Variants in EYS observed in about 807,000 individuals in gnomAD.
EYS encodes protein eyes shut homolog.
EYS carries 250 observed loss-of-function variants against 282.1 expected under a neutral mutation model. The observed-to-expected ratio is 0.89, with a 90% confidence interval of 0.80 to 0.98. The LOEUF (loss-of-function observed/expected upper bound fraction) is 0.98. Among genes scored for constraint, EYS ranks in the 50% least tolerant of loss-of-function variants. EYS has a pLI of 0.00. For synonymous variants in EYS, 1,355 were observed against 1,282.9 expected (o/e 1.06, Z -1.20); for missense variants, 4,016 against 3,709.0 (o/e 1.08, Z -2.15).
At chr6:64,964,421 C>G (rs1356689443) in intron 14 of EYS, among the ~76,000 whole-genome samples, 1 of 151,912 alleles carries the variant, frequency 6.6e-6, no homozygotes, top group African/African-American at 2.4e-5. Context: ...GACTTTTTAG[C>G]TTTATGTTAT....
chr6:65,559,250 G>T (rs1714783840), intron 2 of EYS, among the ~76,000 whole-genome samples: 1 of 152,034 alleles, frequency 6.6e-6, no homozygotes, highest in Admixed American at 6.6e-5. Flanking sequence ...GGGCATGGTG[G>T]CTTATCCTGG....
chr6:64,092,591 A>G (rs1294933379), intron 31 of EYS, among the ~76,000 whole-genome samples: 1 of 151,928 alleles, frequency 6.6e-6, no homozygotes, highest in Non-Finnish European at 1.5e-5. Flanking sequence ...CCACTTTTTG[A>G]TGGGGTTCTT....
intron 26 of EYS, among the ~76,000 whole-genome samples, chr6:64,558,550 C>A (rs540029133): frequency 8.6e-5 from 13 of 151,534 alleles, no homozygotes; most frequent in Middle Eastern, 6.8e-3. Context: ...ACAACAACAA[C>A]AAAAAAAACA....
intron 11 of EYS, chr6:65,330,542 A>C: frequency 4.1e-6 from 4 of 984,120 alleles, no homozygotes; most frequent in Non-Finnish European, 4.8e-6. Context: ...GGGCAAAAAA[A>C]TGTGGTAATA....
chr6:64,318,683 C>T (rs983518360), intron 29 of EYS, among the ~76,000 whole-genome samples: 5 of 151,632 alleles, frequency 3.3e-5, no homozygotes, highest in African/African-American at 4.8e-5. Context: ...CTTTTCCAAA[C>T]AAATTTTTAT....
intron 35 of EYS, among the ~76,000 whole-genome samples, chr6:63,930,788 A>G (rs979117865): frequency 6.6e-6 from 1 of 152,124 alleles, no homozygotes; most frequent in Non-Finnish European, 1.5e-5. Context: ...CGGTCACCAC[A>G]GGCATAAATT....
chr6:64,596,502 G>T lies in EYS; in HGVS notation c.3685-3193C>A, dbSNP rs577679322. Among the ~76,000 whole-genome samples the T allele has an allele frequency of 2.0e-5, 3 of 152,152 alleles. No individual in the cohort carries two copies. The South Asian group carries it at 6.2e-4, about 32-fold the overall frequency. ...CAGTAACTTAAAGCAGCATGGCATT[G>T]GTATGAAAACAGACACATAGACCAA... is the stretch of plus-strand genomic sequence containing the variant. On this transcript the variant is annotated intron_variant, in intron 24 of 42. Coordinates refer to ENST00000503581, the MANE Select transcript of EYS (RefSeq NM_001142800.2).
At chr6:65,105,965 A>G (rs1775023553) in intron 12 of EYS, among the ~76,000 whole-genome samples, 1 of 151,996 alleles carries the variant, frequency 6.6e-6, no homozygotes, top group Non-Finnish European at 1.5e-5. Context: ...ATAGATGACC[A>G]TGGAGAAAGA....
At chr6:65,468,409 ATGCACAG>A (rs1226161300) in intron 5 of EYS, among the ~76,000 whole-genome samples, 1 of 152,162 alleles carries the variant, frequency 6.6e-6, no homozygotes, top group Non-Finnish European at 1.5e-5. Flanking sequence ...AAATAATACT[ATGCACAG>A]TGAGGGAGAA....
intron 35 of EYS, among the ~76,000 whole-genome samples, chr6:63,909,697 C>A (rs545891553): frequency 1.3e-5 from 2 of 152,160 alleles, no homozygotes; most frequent in Non-Finnish European, 2.9e-5. Flanking sequence ...ACTAACACGC[C>A]GCTTCCAGTT....
chr6:65,001,041 G>A (rs1561913254), intron 13 of EYS, among the ~76,000 whole-genome samples: 1 of 152,192 alleles, frequency 6.6e-6, no homozygotes, highest in Non-Finnish European at 1.5e-5. Context: ...AGGCCAGGGC[G>A]AGTGCTTTGG....
At chr6:63,991,816 C>T (rs1028016918) in intron 34 of EYS, among the ~76,000 whole-genome samples, 4 of 151,604 alleles carry the variant, frequency 2.6e-5, no homozygotes, top group South Asian at 2.1e-4. Flanking sequence ...TAGCCAAAAC[C>T]AGAGAATTTT....
At chr6:65,508,737 C>A (rs539081404) in intron 2 of EYS, among the ~76,000 whole-genome samples, 1 of 151,422 alleles carries the variant, frequency 6.6e-6, no homozygotes, top group Non-Finnish European at 1.5e-5. Flanking sequence ...AGAAAGTATA[C>A]AGGGGGCTAG....
chr6:65,219,914 T>G (rs1172077403), intron 12 of EYS, among the ~76,000 whole-genome samples: 2 of 152,038 alleles, frequency 1.3e-5, no homozygotes, highest in African/African-American at 4.8e-5. Flanking sequence ...TGGGGAAAAC[T>G]GCCCCCATGA....
intron 12 of EYS, among the ~76,000 whole-genome samples, chr6:65,136,801 T>A (rs890864793): frequency 1.3e-5 from 2 of 151,990 alleles, no homozygotes; most frequent in Non-Finnish European, 2.9e-5. Flanking sequence ...TCCTCCCACC[T>A]CAGTCTCTTA....
intron 30 of EYS, among the ~76,000 whole-genome samples, chr6:64,279,809 T>C (rs567965701): frequency 1.4e-4 from 21 of 152,316 alleles, no homozygotes; most frequent in African/African-American, 5.1e-4. Flanking sequence ...CATTCTTGAT[T>C]TCTCTACAAT....
chr6:64,080,118 T>C (rs1376344664), intron 32 of EYS, among the ~76,000 whole-genome samples: 2 of 152,226 alleles, frequency 1.3e-5, no homozygotes, highest in East Asian at 3.9e-4. Context: ...GTATTTCTAG[T>C]TCTAGATCCC....
intron 34 of EYS, among the ~76,000 whole-genome samples, chr6:63,994,149 A>C (rs1315227903): frequency 6.6e-6 from 1 of 151,994 alleles, no homozygotes; most frequent in Non-Finnish European, 1.5e-5. Flanking sequence ...TTGAGGTAGT[A>C]GAAAATTCAG....
rs1770907276 is a variant in EYS, at chr6:63,806,296, G to C, written c.7305C>G (p.Ile2435Met). The C allele has an allele frequency of 6.4e-7, 1 of 1,551,686 alleles. No homozygotes were observed. Among genetic ancestry groups the C allele is most frequent in the Non-Finnish European group, 8.7e-7 (1 of 1,146,902 alleles). Reference protein sequence around the residue: ...GYTSFLAYSRISDISFHYEFH... With the variant: ...GYTSFLAYSRMSDISFHYEFH... ...ATTCATAATGGAAGCTGATGTCTGA[G>C]ATCCGTGAATAAGCCAGGAATGAGG... Residue 2435 changes from isoleucine to methionine, a missense_variant, in exon 37 of 43, where the codon ATC becomes ATG. Transcript: ENST00000503581.
Sources: gnomAD v4.1 joint callset for allele counts (sites outside exome capture counted in the v4.1 genomes callset) on GRCh38, gnomAD v4.1.1 for gene constraint, MANE v1.5 for transcripts, NCBI Gene and HGNC (gene_info 2026-07-23, HGNC 2026-07-21) for gene names.